The following MMRN1 variants were observed in gnomAD, a reference collection of about 807,000 sequenced individuals.
The protein encoded by MMRN1 is multimerin 1.
In MMRN1, 94 loss-of-function variants were observed where a neutral mutation model predicts 100.7. That is an observed-to-expected ratio of 0.93 (90% CI 0.79 to 1.11). The LOEUF (loss-of-function observed/expected upper bound fraction) is 1.11. MMRN1 is among the 50% of genes least tolerant of loss of function. MMRN1 has a pLI of 0.00. For synonymous variants in MMRN1, 575 were observed against 505.0 expected (o/e 1.14, Z -1.86); for missense variants, 1,606 against 1,439.1 (o/e 1.12, Z -1.88).
At chr4:89,912,095 T>C in intron 3 of MMRN1, 45 bp downstream of exon 3, 2 of 1,320,734 alleles carry the variant, frequency 1.5e-6, no homozygotes, top group South Asian at 2.8e-5. Flanking sequence ...AATAAGAAAC[T>C]GATTCTATTG....
intron 3 of MMRN1, among the ~76,000 whole-genome samples, chr4:89,914,222 G>A (rs1721843699): frequency 1.3e-5 from 2 of 151,356 alleles, no homozygotes; most frequent in African/African-American, 4.8e-5. Flanking sequence ...GGAGCTGTTT[G>A]CAATTGTACT....
rs765554842 is a variant in MMRN1, at chr4:89,934,819, C to T, written c.1139C>T (p.Ser380Phe). The change falls in exon 6 of 8, where the codon TCC becomes TTC. Residue 380 changes from serine to phenylalanine, a missense_variant. Coordinates refer to ENST00000264790, the MANE Select transcript of MMRN1 (RefSeq NM_007351.3). ...EFQSLLKGLK[S>F]KSINVLIRDI... ...TTATTTCTTTCTCTAGGTCTAAAAT[C>T]CAAAAGCATTAATGTACTGATAAGA... The T allele has an allele frequency of 6.8e-7, 1 of 1,465,818 alleles. No individual in the cohort carries two copies. The highest frequency in any genetic ancestry group is 9.1e-7 in the Non-Finnish European group (1 of 1,099,814). The allele number at this position is 1,465,818 out of a possible 1,614,324, so 90.8% of individuals were successfully genotyped here.
At position 89,953,076 on chromosome 4, in the gene MMRN1, T is replaced by A. The variant is rs1197285420; in HGVS notation, c.3345T>A (p.Gly1115=). 1 of 1,613,782 alleles carries A rather than the reference T, an allele frequency of 6.2e-7. No homozygotes were observed. Among genetic ancestry groups the A allele is most frequent in the East Asian group, 2.2e-5 (1 of 44,876 alleles). Residue 1115 remains glycine (G), a synonymous_variant, in exon 8 of 8, where the codon GGT becomes GGA. Transcript: ENST00000264790. ...ATACGTATGGAATGACTATACCTGG[T>A]CCTATCCTGTTTAATAACTTGGATG... is the stretch of plus-strand genomic sequence containing the variant. ...ASHTYGMTIP[G]PILFNNLDVN...
chr4:89,935,056 T>A lies in MMRN1; in HGVS notation c.1376T>A (p.Leu459Gln). 1 of 1,613,646 alleles carries A rather than the reference T, an allele frequency of 6.2e-7. No individual in the cohort carries two copies. The highest frequency in any genetic ancestry group is 2.2e-5 in the East Asian group (1 of 44,828). The change falls in exon 6 of 8, where the codon CTA becomes CAA. Residue 459 changes from leucine to glutamine, a missense_variant. By Grantham distance (113) the Leu-to-Gln change is moderately radical. Transcript: ENST00000264790. ...NRPTLTDIVE[L>Q]RNHIVNVRQE... is the part of the protein sequence containing the mutation. The stretch of plus-strand genomic sequence containing the variant: ...CCCACTTTGACTGATATAGTGGAAC[T>A]AAGGAATCACATTGTGAATGTAAGG...
chr4:89,938,046 A>G (rs956596469), intron 6 of MMRN1, among the ~76,000 whole-genome samples: 2 of 151,948 alleles, frequency 1.3e-5, no homozygotes, highest in African/African-American at 4.8e-5. Context: ...ATTATAGCCC[A>G]TTTGTATGAA....
At chr4:89,940,929 T>C (rs1722802703) in intron 6 of MMRN1, among the ~76,000 whole-genome samples, 1 of 152,102 alleles carries the variant, frequency 6.6e-6, no homozygotes, top group Non-Finnish European at 1.5e-5. Context: ...ACTCCGCATA[T>C]GCTTATAACT....
rs894093924 is a variant in MMRN1, at chr4:89,953,792, C to T, written c.*374C>T. ...AATTAAACACTTAACTTTTGTTATT[C>T]CCTGTATATAAATATATAACACACA... On this transcript the variant is annotated 3_prime_UTR_variant, in exon 8 of 8. Transcript: ENST00000264790. 6.4e-6 allele frequency: 1 copy of T among 157,256 alleles called. No individual in the cohort carries two copies. Among genetic ancestry groups the T allele is most frequent in the African/African-American group, 2.4e-5 (1 of 41,538 alleles). 9.7% of individuals were successfully genotyped at this position (157,256 alleles called of 1,614,324 possible). A position where few individuals can be genotyped will look rare whatever the true frequency, so the allele number is the denominator to read the frequency against.
intron 6 of MMRN1, among the ~76,000 whole-genome samples, chr4:89,950,621 T>A (rs1214528491): frequency 6.6e-6 from 1 of 152,188 alleles, no homozygotes; most frequent in Non-Finnish European, 1.5e-5. Flanking sequence ...TTTAGTGACC[T>A]TTTGTGGGTT....
chr4:89,906,937 C>A (rs1721582777), intron 1 of MMRN1, among the ~76,000 whole-genome samples: 1 of 151,396 alleles, frequency 6.6e-6, no homozygotes, highest in Non-Finnish European at 1.5e-5. Flanking sequence ...TTTTGCCTCA[C>A]AGAGAATGAA....
intron 5 of MMRN1, among the ~76,000 whole-genome samples, chr4:89,934,545 C>T (rs958360735): frequency 1.3e-5 from 2 of 152,124 alleles, no homozygotes; most frequent in African/African-American, 4.8e-5. Context: ...TCCGTCATGT[C>T]TTTCATCCAA....
Position 89,895,318 on chromosome 4 carries a change from C to A in MMRN1, c.347C>A (p.Thr116Asn), listed in dbSNP as rs756540121. Residue 116 changes from threonine to asparagine, a missense_variant, in exon 1 of 8, where the codon ACC becomes AAC. Transcript: ENST00000264790. Reference sequence around the variant, plus strand: ...GGAGTGGTCAAGTTACAGAATCTTACCCTCCCAACCAACGCTAGCATCAAG... The same window carrying A: ...GGAGTGGTCAAGTTACAGAATCTTAACCTCCCAACCAACGCTAGCATCAAG... ...AEGVVKLQNL[T>N]LPTNASIKFN... 1.2e-6 allele frequency: 2 copies of A among 1,613,312 alleles called. No individual in the cohort carries two copies. Among genetic ancestry groups the A allele is most frequent in the African/African-American group, 2.7e-5 (2 of 74,892 alleles).
At chr4:89,895,867 C>T (rs908920615) in intron 1 of MMRN1, among the ~76,000 whole-genome samples, 1 of 152,094 alleles carries the variant, frequency 6.6e-6, no homozygotes, top group African/African-American at 2.4e-5. Flanking sequence ...TAGTCATTGC[C>T]AAGCAAACTA....
intron 6 of MMRN1, among the ~76,000 whole-genome samples, chr4:89,937,983 T>A (rs940988088): frequency 6.6e-6 from 1 of 152,132 alleles, no homozygotes; most frequent in Non-Finnish European, 1.5e-5. Context: ...GAATATCTCT[T>A]CATTCTTACA....
At chr4:89,886,585 A>G (rs912386106) in intron 1 of MMRN1, among the ~76,000 whole-genome samples, 1 of 152,172 alleles carries the variant, frequency 6.6e-6, no homozygotes. Context: ...AATCTTCTAT[A>G]TCATTGCTGA....
rs934859488 is a variant in MMRN1, at chr4:89,907,722, A to G, written c.624-1554A>G. ...GTCCAAATTTCTGTTAAGAACATTC[A>G]GTCCATTTTTAATTCACATATTGTA... On this transcript the variant is annotated intron_variant, in intron 1 of 7. Transcript: ENST00000264790. 2.0e-5 allele frequency among the ~76,000 whole-genome samples: 3 copies of G among 151,528 alleles called. No individual in the cohort carries two copies. In the Admixed American group the frequency reaches 2.0e-4, roughly 10 times the overall value.
chr4:89,882,777 C>T (rs1369628362), intron 1 of MMRN1, among the ~76,000 whole-genome samples: 1 of 151,882 alleles, frequency 6.6e-6, no homozygotes, highest in Non-Finnish European at 1.5e-5. Context: ...AATATATACA[C>T]ATTAAAATGC....
intron 6 of MMRN1, among the ~76,000 whole-genome samples, chr4:89,950,576 T>G (rs1343475198): frequency 6.6e-6 from 1 of 152,206 alleles, no homozygotes; most frequent in East Asian, 1.9e-4. Flanking sequence ...TTATTATTTC[T>G]GAATTAGTAA....
chr4:89,945,091 A>G (rs1220484825), intron 6 of MMRN1, among the ~76,000 whole-genome samples: 1 of 152,214 alleles, frequency 6.6e-6, no homozygotes, highest in Non-Finnish European at 1.5e-5. Context: ...AGAATATGTA[A>G]GAAACAAACT....
At chr4:89,882,026 C>A (rs1720830471) in intron 1 of MMRN1, among the ~76,000 whole-genome samples, 1 of 151,682 alleles carries the variant, frequency 6.6e-6, no homozygotes, top group South Asian at 2.1e-4. Context: ...CTAAATAACC[C>A]TCTCAGAAAG....
Sources: gnomAD v4.1 joint callset for allele counts (sites outside exome capture counted in the v4.1 genomes callset) on GRCh38, gnomAD v4.1.1 for gene constraint, MANE v1.5 for transcripts, NCBI Gene and HGNC (gene_info 2026-07-23, HGNC 2026-07-21) for gene names.